GEMIN5: variants seen among roughly 807,000 people sequenced by gnomAD.
GEMIN5 encodes the protein gem nuclear organelle associated protein 5, also known as gem-associated protein 5.
A neutral mutation model predicts 176.9 loss-of-function variants in GEMIN5; 124 were observed. The ratio of observed to expected loss-of-function variants is 0.70; its 90% CI spans 0.61 to 0.81. The LOEUF (loss-of-function observed/expected upper bound fraction) is 0.81. GEMIN5 is among the 40% of genes least tolerant of loss of function. GEMIN5 has a pLI of 0.00. For missense variants in GEMIN5, 1,843 were observed against 1,814.6 expected (o/e 1.02, Z -0.28); for synonymous variants, 673 against 665.2 (o/e 1.01, Z -0.18).
intron 4 of GEMIN5, 98 bp from the exon 5 acceptor site, chr5:154,931,675 T>C (rs2644744): frequency 0.89 from 847,698 of 953,700 alleles, 378,536 homozygotes; most frequent in Non-Finnish European, 0.91. Flanking sequence ...AGCTATCTCT[T>C]TCATAGGTCT....
intron 9 of GEMIN5, among the ~76,000 whole-genome samples, chr5:154,924,268 C>A (rs1025747322): frequency 1.3e-5 from 2 of 152,068 alleles, no homozygotes; most frequent in African/African-American, 4.8e-5. Context: ...ACATAGGGAA[C>A]AGGGAAATGA....
intron 6 of GEMIN5, among the ~76,000 whole-genome samples, chr5:154,928,283 G>A (rs1339073550): frequency 6.6e-6 from 1 of 152,222 alleles, no homozygotes; most frequent in Non-Finnish European, 1.5e-5. Context: ...GGCAGTAAGT[G>A]ACAAAGTGAT....
At chr5:154,913,790 C>T (rs1487952030) in intron 13 of GEMIN5, among the ~76,000 whole-genome samples, 1 of 152,044 alleles carries the variant, frequency 6.6e-6, no homozygotes, top group African/African-American at 2.4e-5. Flanking sequence ...GTACTACAGC[C>T]TGGGTGACAG....
chr5:154,900,897 T>C, intron 21 of GEMIN5, among the ~76,000 whole-genome samples: 1 of 152,162 alleles, frequency 6.6e-6, no homozygotes, highest in East Asian at 1.9e-4. Flanking sequence ...AATTCTAGAA[T>C]ATGATAAACT....
intron 26 of GEMIN5, among the ~76,000 whole-genome samples, chr5:154,890,939 A>T (rs1325270704): frequency 1.3e-5 from 2 of 151,772 alleles, no homozygotes; most frequent in Non-Finnish European, 2.9e-5. Context: ...AATTTTTAGT[A>T]GAGACGGGGT....
intron 27 of GEMIN5, 74 bp from the exon 28 acceptor site, chr5:154,888,451 C>A: frequency 7.8e-7 from 1 of 1,276,116 alleles, no homozygotes; most frequent in Non-Finnish European, 1.1e-6. Flanking sequence ...CAGAAGGCAC[C>A]AGTCACTCAG....
intron 17 of GEMIN5, 141 bp downstream of exon 17, chr5:154,905,222 C>A: frequency 2.2e-6 from 1 of 452,406 alleles, no homozygotes; most frequent in Non-Finnish European, 4.0e-6. Flanking sequence ...AACAAAAAAC[C>A]CATAATCAGA....
At chr5:154,889,934 T>A (rs1763189670) in intron 26 of GEMIN5, among the ~76,000 whole-genome samples, 1 of 152,242 alleles carries the variant, frequency 6.6e-6, no homozygotes, top group African/African-American at 2.4e-5. Context: ...TGAACACAGG[T>A]GTGCACATAT....
At chr5:154,908,319 T>C (rs940570255) in intron 15 of GEMIN5, among the ~76,000 whole-genome samples, 2 of 152,032 alleles carry the variant, frequency 1.3e-5, no homozygotes. Context: ...TAGCTGGGAT[T>C]ACAGGCACGC....
Position 154,921,659 on chromosome 5 carries a change from G to A in GEMIN5, c.1380-234C>T, listed in dbSNP as rs1243225956. Among the ~76,000 whole-genome samples the A allele has an allele frequency of 3.3e-5, 5 of 151,848 alleles. No individual in the cohort carries two copies. In the East Asian group the frequency reaches 7.7e-4, roughly 24 times the overall value. On this transcript the variant is annotated intron_variant, in intron 9 of 27. Transcript: ENST00000285873. ...AAATAATGACATTTACTACCAAAAC[G>A]ATTAAGTCCCAAACATATTTTACCC...
chr5:154,907,219 T>G (rs1206466879), intron 16 of GEMIN5, among the ~76,000 whole-genome samples: 1 of 152,200 alleles, frequency 6.6e-6, no homozygotes, highest in Non-Finnish European at 1.5e-5. Flanking sequence ...GTCAGACATT[T>G]GTAAGGGACA....
rs1763152706 is a variant in GEMIN5, at chr5:154,888,360, A to C, written c.4377T>G (p.Asp1459Glu). ...GCAGGACGAGGCAGCACTCCAGCACATCTGGGAAGGGCCAGGCCTGAAAGA... is the reference window on the plus strand; with the variant it reads ...GCAGGACGAGGCAGCACTCCAGCACCTCTGGGAAGGGCCAGGCCTGAAAGA... ...PESIKAWPFP[D>E]VLECCLVLLL... The change falls in exon 28 of 28, where the codon GAT becomes GAG. Residue 1459 changes from aspartate (D) to glutamate (E), a missense_variant. Transcript: ENST00000285873. 4.3e-6 allele frequency: 7 copies of C among 1,613,814 alleles called. No homozygotes were observed. Among genetic ancestry groups the C allele is most frequent in the Non-Finnish European group, 5.9e-6 (7 of 1,179,912 alleles).
Position 154,892,587 on chromosome 5 carries a change from C to T in GEMIN5, c.3598-38G>A, listed in dbSNP as rs575921356. On this transcript the variant is annotated intron_variant, in intron 24 of 27. Transcript: ENST00000285873. The stretch of plus-strand genomic sequence containing the variant: ...GCCAGAGTCTGAGTTAAACATCCTC[C>T]CACGGTAGGCGCAGAGGATGCCACC... 96 of 1,599,030 alleles carry T rather than the reference C, an allele frequency of 6.0e-5. 1 individual carries two copies. The South Asian group carries it at 1.0e-3, about 17-fold the overall frequency.
In GEMIN5 at chr5:154,938,107, C is replaced by A; in HGVS notation, c.27G>T (p.Pro9=). MGQEPRTL[P]PSPNWYCARC... The stretch of plus-strand genomic sequence containing the variant: ...GGGCGCAGTACCAGTTGGGGGAGGG[C>A]GGCAGCGTCCGCGGCTCCTGCCCCA... The change falls in exon 1 of 28, where the codon CCG becomes CCT. Residue 9 remains proline (P), a synonymous_variant. Coordinates refer to ENST00000285873, the MANE Select transcript of GEMIN5 (RefSeq NM_015465.5). 7.1e-7 allele frequency: 1 copy of A among 1,413,104 alleles called. No homozygotes were observed. Among genetic ancestry groups the A allele is most frequent in the Non-Finnish European group, 9.3e-7 (1 of 1,080,530 alleles). The allele number at this position is 1,413,104 out of a possible 1,614,324, so 87.5% of individuals were successfully genotyped here.
intron 3 of GEMIN5, among the ~76,000 whole-genome samples, chr5:154,933,593 C>T (rs1175789307): frequency 6.6e-6 from 1 of 152,110 alleles, no homozygotes; most frequent in Non-Finnish European, 1.5e-5. Flanking sequence ...TTAGAAAGTA[C>T]AAAACTGCAT....
Position 154,892,503 on chromosome 5 carries a change from T to C in GEMIN5, c.3644A>G (p.Gln1215Arg), listed in dbSNP as rs1763253128. The change falls in exon 25 of 28, where the codon CAA (glutamine) becomes CGA (arginine). Residue 1215 changes from glutamine (Q) to arginine (R), a missense_variant. Coordinates refer to ENST00000285873, the MANE Select transcript of GEMIN5 (RefSeq NM_015465.5). ...AGCCTCGTCCCAGGAGGCCATCTGTTGGCTCAGCACTGCCAGGGTCAAGTC... is the reference window on the plus strand; with the variant it reads ...AGCCTCGTCCCAGGAGGCCATCTGTCGGCTCAGCACTGCCAGGGTCAAGTC... ...CHDLTLAVLS[Q>R]QMASWDEAVQ... is the part of the protein sequence containing the mutation. 1 of 1,614,198 alleles carries C rather than the reference T, an allele frequency of 6.2e-7. No individual in the cohort carries two copies. The highest frequency in any genetic ancestry group is 1.3e-5 in the African/African-American group (1 of 75,066).
chr5:154,907,398 T>C (rs1763589157), intron 16 of GEMIN5, among the ~76,000 whole-genome samples, 193 bp downstream of exon 16: 2 of 150,772 alleles, frequency 1.3e-5, no homozygotes, highest in African/African-American at 4.9e-5. Context: ...ACCACAAACA[T>C]CCACTAGAAC....
At chr5:154,928,926 A>ACAACCTCAAC (rs1333071733) in intron 5 of GEMIN5, among the ~76,000 whole-genome samples, 1 of 151,912 alleles carries the variant, frequency 6.6e-6, no homozygotes, top group Non-Finnish European at 1.5e-5. Flanking sequence ...ACGTATTAAG[A>ACAACCTCAAC]GTATTTTTTT....
rs1255813212 is a variant in GEMIN5, at chr5:154,901,380, C to T, written c.2973G>A (p.Val991=). 2 of 1,613,950 alleles carry T rather than the reference C, an allele frequency of 1.2e-6. No individual in the cohort carries two copies. Among genetic ancestry groups the T allele is most frequent in the African/African-American group, 1.3e-5 (1 of 74,916 alleles). Residue 991 remains valine (V), a synonymous_variant, in exon 21 of 28, where the codon GTG becomes GTA. Transcript: ENST00000285873. The part of the protein sequence containing the change: ...AASHLLSIHK[V]YEAVELLKSN... ...ACTTGAGCAGCTCCACCGCTTCATA[C>T]ACTTTGTGGATGGAAAGTAGGTGAG...
Sources: allele counts gnomAD v4.1 joint callset (sites outside exome capture counted in the v4.1 genomes callset), GRCh38; gene constraint gnomAD v4.1.1; transcripts MANE v1.5; gene names NCBI Gene and HGNC (gene_info 2026-07-23, HGNC 2026-07-21).